The following KDM2B variants were observed in gnomAD, a reference collection of about 807,000 sequenced individuals.
KDM2B encodes lysine demethylase 2B.
A neutral mutation model predicts 150.0 loss-of-function variants in KDM2B; 26 were observed. That is an observed-to-expected ratio of 0.17 (90% CI 0.13 to 0.24). KDM2B has a LOEUF of 0.24. KDM2B is among the 10% of genes least tolerant of loss of function. KDM2B has a pLI of 1.00. For missense variants in KDM2B, 1,265 were observed against 1,816.9 expected, an observed-to-expected ratio of 0.70 and a Z score of 5.52; for synonymous variants, 734 against 729.5, an observed-to-expected ratio of 1.01 and a Z score of -0.10.
the KDM2B span, among the ~76,000 whole-genome samples, chr12:121,411,469 C>T: frequency 6.6e-6 from 1 of 152,128 alleles, no homozygotes. Flanking sequence ...AATTTTAATG[C>T]TCATACTCAT....
chr12:121,559,354 G>A lies in KDM2B; in HGVS notation c.398-9716C>T, dbSNP rs571995168. On this transcript the variant is annotated intron_variant, in intron 4 of 22. Coordinates refer to ENST00000377071, the MANE Select transcript of KDM2B (RefSeq NM_032590.5). ...TTCCAGGTCTATGGGAGGGGTGGGAGGGGAAGTGGTGGGAGGAGGAAGGAA... is the reference window on the plus strand; with the variant it reads ...TTCCAGGTCTATGGGAGGGGTGGGAAGGGAAGTGGTGGGAGGAGGAAGGAA... Among the ~76,000 whole-genome samples, 7 of 147,282 alleles carry A rather than the reference G, an allele frequency of 4.8e-5. No homozygotes were observed. In the East Asian group the frequency reaches 5.8e-4, roughly 12 times the overall value.
At chr12:121,551,409 G>A (rs950523783) in intron 4 of KDM2B, among the ~76,000 whole-genome samples, 2 of 148,088 alleles carry the variant, frequency 1.4e-5, no homozygotes, top group Non-Finnish European at 3.0e-5. Context: ...GCAATGGCAC[G>A]ATCGTGGCTC....
intron 12 of KDM2B, among the ~76,000 whole-genome samples, chr12:121,479,300 T>C (rs1364819047): frequency 7.0e-6 from 1 of 143,346 alleles, no homozygotes; most frequent in African/African-American, 2.5e-5. Context: ...CCGCCGTCTC[T>C]ACTAAAAATA....
intron 22 of KDM2B, among the ~76,000 whole-genome samples, chr12:121,437,559 G>T: frequency 6.6e-6 from 1 of 152,146 alleles, no homozygotes; most frequent in East Asian, 1.9e-4. Context: ...CACTAGGCTT[G>T]CTATTTTGAA....
At chr12:121,503,499 C>G (rs1310454135) in intron 11 of KDM2B, among the ~76,000 whole-genome samples, 1 of 151,858 alleles carries the variant, frequency 6.6e-6, no homozygotes, top group Non-Finnish European at 1.5e-5. Flanking sequence ...TTTTTGTAGA[C>G]TGGGGTCTCA....
At chr12:121,536,167 T>A in intron 6 of KDM2B, 1 of 892,028 alleles carries the variant, frequency 1.1e-6, no homozygotes, top group Non-Finnish European at 1.3e-6. Flanking sequence ...GGCGGAGGGC[T>A]CCTGGTGCCC....
rs1000101709 is a variant in KDM2B at position 121,453,990 on chromosome 12, G to A, written c.1735-646C>T. On this transcript the variant is annotated intron_variant, in intron 12 of 22. Transcript: ENST00000377071. The surrounding 1 kb of genome is among the most constrained non-coding windows in gnomAD (Gnocchi z 6.4). ...AAAGACCGCAAGGGGCCACACAATC[G>A]GTCTCTGTTCCCCCAGCCCGGAAGG... 2.3e-4 allele frequency among the ~76,000 whole-genome samples: 35 copies of A among 152,012 alleles called. No individual in the cohort carries two copies. Among genetic ancestry groups the A allele is most frequent in the African/African-American group, 7.7e-4 (32 of 41,380 alleles).
chr12:121,519,092 C>G (rs1441683760), intron 9 of KDM2B, among the ~76,000 whole-genome samples: 1 of 152,198 alleles, frequency 6.6e-6, no homozygotes, highest in Non-Finnish European at 1.5e-5. Flanking sequence ...CTCTCCAGAT[C>G]TAGGCGTCAC....
At chr12:121,464,014 A>G (rs2139315426) in intron 12 of KDM2B, among the ~76,000 whole-genome samples, 1 of 152,310 alleles carries the variant, frequency 6.6e-6, no homozygotes, top group Middle Eastern at 3.4e-3. Context: ...CATTGAGGCC[A>G]GAAGTTCAAG....
chr12:121,474,946 A>G (rs1483296753), intron 12 of KDM2B, among the ~76,000 whole-genome samples: 2 of 152,038 alleles, frequency 1.3e-5, no homozygotes, highest in African/African-American at 2.4e-5. Context: ...ACAGAGCGAG[A>G]CTCTGTCTCA....
rs1188820877 is a variant in KDM2B at position 121,537,781 on chromosome 12, C to A, written c.684-3191G>T. On this transcript the variant is annotated intron_variant, in intron 6 of 22. Coordinates refer to ENST00000377071, the MANE Select transcript of KDM2B (RefSeq NM_032590.5). This position sits in a 1 kb window ranked among gnomAD's most constrained non-coding sequence, Gnocchi z 8.7. Reference sequence around the variant, plus strand: ...GCCAAGAGCGCGCCGCACACTCGCACCCGACCCCGGGAGACACAAAGAGCG... The same window carrying A: ...GCCAAGAGCGCGCCGCACACTCGCAACCGACCCCGGGAGACACAAAGAGCG... Among the ~76,000 whole-genome samples, 1 of 151,990 alleles carries A rather than the reference C, an allele frequency of 6.6e-6. No individual in the cohort carries two copies. The highest frequency in any genetic ancestry group is 1.5e-5 in the Non-Finnish European group (1 of 67,930).
At chr12:121,562,199 C>T (rs980408416) in intron 4 of KDM2B, among the ~76,000 whole-genome samples, 2 of 151,196 alleles carry the variant, frequency 1.3e-5, no homozygotes, top group Non-Finnish European at 2.9e-5. Context: ...TTTAAAAAGG[C>T]CTGGCCAGCA....
At chr12:121,550,824 G>A (rs967962922) in intron 4 of KDM2B, among the ~76,000 whole-genome samples, 4 of 152,106 alleles carry the variant, frequency 2.6e-5, no homozygotes, top group South Asian at 2.1e-4. Context: ...ATAGCCATAC[G>A]TTTTGAGGGG....
At chr12:121,514,584 TC>T (rs1555304557) in intron 9 of KDM2B, among the ~76,000 whole-genome samples, 1 of 151,674 alleles carries the variant, frequency 6.6e-6, no homozygotes, top group Non-Finnish European at 1.5e-5. Flanking sequence ...CACACCTTGC[TC>T]CCTGGCTCTC....
In KDM2B at chr12:121,578,827, G is replaced by A; in HGVS notation, c.246C>T (p.Asp82=). The A allele has an allele frequency of 6.3e-7, 1 of 1,596,674 alleles. No homozygotes were observed. The highest frequency in any genetic ancestry group is 8.5e-7 in the Non-Finnish European group (1 of 1,170,914). Residue 82 remains aspartate (D), a synonymous_variant, in exon 2 of 23, where the codon GAC becomes GAT. Coordinates refer to ENST00000377071, the MANE Select transcript of KDM2B (RefSeq NM_032590.5). The stretch of plus-strand genomic sequence containing the variant: ...CTTTGCCCTCCATGGCGTGCACGAA[G>A]TCCCCCTGGTACAGCTGGCTGCGAA... The part of the protein sequence containing the change: ...EKLRSQLYQG[D]FVHAMEGKDF...
At chr12:121,546,551 T>A (rs1307494208) in intron 6 of KDM2B, among the ~76,000 whole-genome samples, 4 of 150,686 alleles carry the variant, frequency 2.7e-5, no homozygotes, top group African/African-American at 9.8e-5. Context: ...CCCGGCTAAT[T>A]TTTTTTTGGT....
At chr12:121,574,402 G>A (rs1167829589) in intron 4 of KDM2B, 145 bp downstream of exon 4, 2 of 690,536 alleles carry the variant, frequency 2.9e-6, no homozygotes, top group Non-Finnish European at 5.0e-6. Flanking sequence ...GAATGAAACG[G>A]TTGCAGCTCA....
At chr12:121,508,001 AC>A (rs1555303225) in intron 11 of KDM2B, among the ~76,000 whole-genome samples, 1 of 152,050 alleles carries the variant, frequency 6.6e-6, no homozygotes, top group African/African-American at 2.4e-5. Flanking sequence ...ACAGAGTAAC[AC>A]CCTGTCTGTC....
intron 12 of KDM2B, among the ~76,000 whole-genome samples, chr12:121,490,728 G>C (rs1042964769): frequency 3.9e-5 from 6 of 152,202 alleles, no homozygotes; most frequent in South Asian, 2.1e-4. Context: ...ACAGCCAGTC[G>C]GGTGGATGGT....
Sources: gnomAD v4.1 joint callset for allele counts (sites outside exome capture counted in the v4.1 genomes callset) on GRCh38, gnomAD v4.1.1 for gene constraint, Gnocchi (gnomAD v3.1) non-coding constraint, MANE v1.5 for transcripts, NCBI Gene and HGNC (gene_info 2026-07-23, HGNC 2026-07-21) for gene names.